The following BBX variants were observed in gnomAD, a reference collection of about 807,000 sequenced individuals.
BBX encodes BBX high mobility group box domain containing.
A neutral mutation model predicts 100.2 loss-of-function variants in BBX; 30 were observed. The observed-to-expected ratio is 0.30, with a 90% CI of 0.22 to 0.41. BBX has a LOEUF of 0.41. Ranked by LOEUF, BBX falls within the 10% of genes least tolerant of loss-of-function variation. The probability of loss-of-function intolerance (pLI) is 1.00; values close to 1 mark genes in which losing one functional copy is unlikely to be tolerated. For synonymous variants in BBX, 376 were observed against 388.1 expected, an observed-to-expected ratio of 0.97 and a Z score of 0.37; for missense variants, 1,023 against 1,129.8, an observed-to-expected ratio of 0.91 and a Z score of 1.35.
chr3:107,654,627 C>G (rs688226), intron 3 of BBX, among the ~76,000 whole-genome samples: 138,430 of 152,218 alleles, frequency 0.91, 63,094 homozygotes, highest in East Asian at 1. Flanking sequence ...GAAACTTAAG[C>G]GTTTCCTTAT....
chr3:107,709,494 G>A (rs1241044864), intron 3 of BBX, among the ~76,000 whole-genome samples: 1 of 152,190 alleles, frequency 6.6e-6, no homozygotes, highest in Non-Finnish European at 1.5e-5. Context: ...TTTAGCAACT[G>A]TACTTGTGTT....
At chr3:107,666,666 G>A (rs894773565) in intron 3 of BBX, among the ~76,000 whole-genome samples, 3 of 152,158 alleles carry the variant, frequency 2.0e-5, no homozygotes, top group African/African-American at 7.2e-5. Flanking sequence ...CCCGGTCCCG[G>A]ATTCAAGCAA....
intron 2 of BBX, among the ~76,000 whole-genome samples, chr3:107,580,344 G>A (rs192093649): frequency 1.1e-4 from 16 of 151,850 alleles, no homozygotes; most frequent in African/African-American, 3.6e-4. Context: ...TAAATCCACA[G>A]GTTTTTTTTG....
intron 3 of BBX, among the ~76,000 whole-genome samples, chr3:107,678,183 C>T (rs2059383958): frequency 6.6e-6 from 1 of 151,918 alleles, no homozygotes; most frequent in Non-Finnish European, 1.5e-5. Flanking sequence ...AATTCTTAGT[C>T]ACTATAAATT....
chr3:107,632,794 A>G (rs1041775453), intron 2 of BBX, among the ~76,000 whole-genome samples: 1 of 152,244 alleles, frequency 6.6e-6, no homozygotes. Context: ...AATATGCTGA[A>G]AAGCAAATTT....
intron 15 of BBX, among the ~76,000 whole-genome samples, chr3:107,792,249 G>T (rs536825921): frequency 6.6e-6 from 1 of 152,032 alleles, no homozygotes; most frequent in African/African-American, 2.4e-5. Flanking sequence ...TGACATTTTT[G>T]TAGGGCTTAA....
chr3:107,586,846 G>A (rs1050502158), intron 2 of BBX, among the ~76,000 whole-genome samples: 16 of 151,956 alleles, frequency 1.1e-4, no homozygotes, highest in African/African-American at 3.6e-4. Context: ...CGCCTCCGAG[G>A]TTCAAGCGAT....
At chr3:107,767,563 AG>A (rs1046668779) in intron 10 of BBX, among the ~76,000 whole-genome samples, 1 of 152,210 alleles carries the variant, frequency 6.6e-6, no homozygotes, top group African/African-American at 2.4e-5. Context: ...AGGAACAAAA[AG>A]GGGAAAAGTT....
At chr3:107,615,779 A>G (rs998032493) in intron 2 of BBX, among the ~76,000 whole-genome samples, 1 of 152,148 alleles carries the variant, frequency 6.6e-6, no homozygotes, top group Admixed American at 6.5e-5. Context: ...TATTCATTTA[A>G]AAGTAAAATA....
At chr3:107,729,664 A>G (rs1194945441) in intron 6 of BBX, among the ~76,000 whole-genome samples, 2 of 152,234 alleles carry the variant, frequency 1.3e-5, no homozygotes, top group African/African-American at 4.8e-5. Flanking sequence ...AGTTTGCCAG[A>G]TGAAATTAGC....
At chr3:107,695,350 T>G (rs1465230640) in intron 3 of BBX, among the ~76,000 whole-genome samples, 1 of 131,144 alleles carries the variant, frequency 7.6e-6, no homozygotes, top group African/African-American at 3.2e-5. Context: ...TAAATTTCCC[T>G]CTACACACTG....
intron 2 of BBX, among the ~76,000 whole-genome samples, chr3:107,541,330 T>C (rs678465): frequency 0.11 from 16,319 of 152,222 alleles, 984 homozygotes; most frequent in Non-Finnish European, 0.12. Context: ...TTTTTTTTCT[T>C]GTACTTAATT....
intron 2 of BBX, among the ~76,000 whole-genome samples, chr3:107,604,033 C>T (rs1368610240): frequency 1.3e-5 from 2 of 151,990 alleles, no homozygotes; most frequent in Admixed American, 6.6e-5. Context: ...CTGTCTTTAC[C>T]GTGGTCATTC....
chr3:107,640,505 C>T (rs1172618808), intron 2 of BBX, among the ~76,000 whole-genome samples: 2 of 151,702 alleles, frequency 1.3e-5, no homozygotes, highest in African/African-American at 4.8e-5. Context: ...TAGAGATCCC[C>T]TGGTATATTC....
At chr3:107,685,492 G>T (rs759433554) in intron 3 of BBX, among the ~76,000 whole-genome samples, 11 of 152,230 alleles carry the variant, frequency 7.2e-5, no homozygotes, top group Non-Finnish European at 1.2e-4. Context: ...ACATGTAGAA[G>T]ATACGCTATT....
Position 107,607,237 on chromosome 3 carries a change from C to T in BBX, c.-83-38599C>T, listed in dbSNP as rs149131772. On this transcript the variant is annotated intron_variant, in intron 2 of 17. Transcript: ENST00000325805. The stretch of plus-strand genomic sequence containing the variant: ...TCAGCCTCCCGAGTAGCTGGGATTA[C>T]AGGTGCCCACCTCCATGCCTAGCTA... 8.1e-4 allele frequency among the ~76,000 whole-genome samples: 124 copies of T among 152,246 alleles called. 1 individual carries two copies. Among genetic ancestry groups the T allele is most frequent in the African/African-American group, 2.8e-3 (117 of 41,544 alleles).
chr3:107,784,550 T>A (rs1381316760), intron 13 of BBX, among the ~76,000 whole-genome samples: 1 of 151,908 alleles, frequency 6.6e-6, no homozygotes, highest in Non-Finnish European at 1.5e-5. Context: ...CACTTCTACA[T>A]AACTGTCACA....
chr3:107,729,231 T>A (rs766624679), intron 6 of BBX, among the ~76,000 whole-genome samples: 3 of 152,126 alleles, frequency 2.0e-5, no homozygotes, highest in Non-Finnish European at 4.4e-5. Flanking sequence ...ACATGGAGAT[T>A]GTCAGAAGCT....
chr3:107,570,599 G>A (rs578009639), intron 2 of BBX, among the ~76,000 whole-genome samples: 201 of 152,286 alleles, frequency 1.3e-3, no homozygotes, highest in Non-Finnish European at 2.4e-3. Flanking sequence ...TGGGCAGGTT[G>A]GGGAGGGCTA....
Sources: allele counts gnomAD v4.1 joint callset (sites outside exome capture counted in the v4.1 genomes callset), GRCh38; gene constraint gnomAD v4.1.1; transcripts MANE v1.5; gene names NCBI Gene and HGNC (gene_info 2026-07-23, HGNC 2026-07-21).